The following STARD13 variants were observed in gnomAD, a reference collection of about 807,000 sequenced individuals.
The protein encoded by STARD13 is StAR related lipid transfer domain containing 13.
STARD13 carries 62 observed loss-of-function variants against 106.4 expected under a neutral mutation model. That is an observed-to-expected ratio of 0.58 (90% CI 0.48 to 0.72). The LOEUF is 0.72. STARD13 is among the 30% of genes least tolerant of loss of function. The pLI, the probability that STARD13 is intolerant of heterozygous loss-of-function variation, is 0.00. For synonymous variants in STARD13, 565 were observed against 553.0 expected (o/e 1.02, Z -0.31); for missense variants, 1,387 against 1,424.0 (o/e 0.97, Z 0.42).
intron 13 of STARD13, among the ~76,000 whole-genome samples, chr13:33,106,007 G>A (rs182844040): frequency 4.9e-4 from 74 of 152,332 alleles, no homozygotes; most frequent in Middle Eastern, 6.8e-3. Context: ...TGAAAACTCC[G>A]TTTTGTCTAC....
At chr13:33,510,801 C>A in the STARD13 span, among the ~76,000 whole-genome samples, 1 of 152,122 alleles carries the variant, frequency 6.6e-6, no homozygotes, top group African/African-American at 2.4e-5. Flanking sequence ...ACTTCTAAAT[C>A]TAGTCATATC....
the STARD13 span, among the ~76,000 whole-genome samples, chr13:33,591,934 A>G: frequency 1.1e-3 from 162 of 152,318 alleles, no homozygotes; most frequent in African/African-American, 3.8e-3. Context: ...TATATTAATT[A>G]TGTATTTTAT....
chr13:33,596,395 T>A, the STARD13 span, among the ~76,000 whole-genome samples: 2 of 152,182 alleles, frequency 1.3e-5, no homozygotes, highest in Non-Finnish European at 2.9e-5. Flanking sequence ...ATGTCATCAA[T>A]ACACACACAT....
the STARD13 span, among the ~76,000 whole-genome samples, chr13:33,389,058 C>A: frequency 6.6e-6 from 1 of 150,702 alleles, no homozygotes; most frequent in Non-Finnish European, 1.5e-5. Flanking sequence ...CAGGTTCAAG[C>A]GATTCTCCTG....
chr13:33,499,617 TTCTTCTTCTTC>T, the STARD13 span, among the ~76,000 whole-genome samples: 91 of 111,268 alleles, frequency 8.2e-4, 2 homozygotes, highest in South Asian at 2.6e-3. Context: ...CTTCTTCTTC[TTCTTCTTCTTC>T]TTCTTCTTCT....
At chr13:33,477,036 C>G in the STARD13 span, among the ~76,000 whole-genome samples, 1 of 152,184 alleles carries the variant, frequency 6.6e-6, no homozygotes, top group African/African-American at 2.4e-5. Context: ...CCGATTTTGA[C>G]AGATAAAATT....
At chr13:33,185,790 C>A in intron 1 of STARD13, 1 of 1,313,476 alleles carries the variant, frequency 7.6e-7, no homozygotes, top group Non-Finnish European at 1.1e-6. Flanking sequence ...ACCACCTGAC[C>A]ACTGCCACTG....
At chr13:33,329,914 G>C (rs192070047) in intron 1 of STARD13, among the ~76,000 whole-genome samples, 2 of 152,206 alleles carry the variant, frequency 1.3e-5, no homozygotes. Context: ...ATATTGGCCA[G>C]GCTGGTCTTG....
intron 1 of STARD13, among the ~76,000 whole-genome samples, chr13:33,312,144 A>T (rs1893159345): frequency 1.3e-5 from 2 of 152,246 alleles, no homozygotes; most frequent in South Asian, 4.1e-4. Flanking sequence ...ACATGTAATC[A>T]ACAAACATTT....
At chr13:33,318,723 A>G (rs950721659) in intron 1 of STARD13, among the ~76,000 whole-genome samples, 5 of 152,082 alleles carry the variant, frequency 3.3e-5, no homozygotes, top group Admixed American at 3.3e-4. Context: ...ATCAATGATA[A>G]AAAGACAAAA....
intron 1 of STARD13, among the ~76,000 whole-genome samples, chr13:33,212,149 C>T (rs144029354): frequency 3.1e-3 from 475 of 152,216 alleles, no homozygotes; most frequent in Middle Eastern, 6.8e-3. Context: ...CAGAAGCATG[C>T]CTTTTGGGGT....
chr13:33,460,741 A>G, the STARD13 span, among the ~76,000 whole-genome samples: 1 of 150,552 alleles, frequency 6.6e-6, no homozygotes, highest in Non-Finnish European at 1.5e-5. Flanking sequence ...CAAAAAAAAC[A>G]AAAAAAAAGG....
At chr13:33,576,956 G>A in the STARD13 span, among the ~76,000 whole-genome samples, 10 of 152,086 alleles carry the variant, frequency 6.6e-5, no homozygotes, top group South Asian at 6.2e-4. Context: ...AATGACAGCC[G>A]AATGCACTGA....
chr13:33,580,525 C>T, the STARD13 span, among the ~76,000 whole-genome samples: 3 of 151,962 alleles, frequency 2.0e-5, no homozygotes, highest in South Asian at 6.2e-4. Context: ...ACAGCGTGAA[C>T]CTTAATATGA....
chr13:33,163,712 CAT>C (rs553805990), intron 3 of STARD13, among the ~76,000 whole-genome samples: 167 of 62,454 alleles, frequency 2.7e-3, no homozygotes, highest in African/African-American at 6.7e-3. Flanking sequence ...ATATATAAAA[CAT>C]ATATATAACA....
the STARD13 span, among the ~76,000 whole-genome samples, chr13:33,515,705 C>T: frequency 2.6e-5 from 4 of 152,144 alleles, no homozygotes; most frequent in African/African-American, 9.7e-5. Flanking sequence ...AACCATTTAT[C>T]ACTTTTATGA....
At chr13:33,501,384 T>C in the STARD13 span, among the ~76,000 whole-genome samples, 1 of 152,158 alleles carries the variant, frequency 6.6e-6, no homozygotes, top group African/African-American at 2.4e-5. Flanking sequence ...AGCTCTTTAG[T>C]TTAATTGGAT....
the STARD13 span, among the ~76,000 whole-genome samples, chr13:33,553,345 A>T: frequency 4.6e-5 from 7 of 152,060 alleles, no homozygotes; most frequent in African/African-American, 1.7e-4. Context: ...TGCAGTTATT[A>T]AAGTAATTTT....
the STARD13 span, among the ~76,000 whole-genome samples, chr13:33,536,060 G>C: frequency 6.6e-6 from 1 of 152,162 alleles, no homozygotes; most frequent in Non-Finnish European, 1.5e-5. Flanking sequence ...AGCTACTCTA[G>C]ATGTGACATT....
Sources: gnomAD v4.1 joint callset for allele counts (sites outside exome capture counted in the v4.1 genomes callset) on GRCh38, gnomAD v4.1.1 for gene constraint, MANE v1.5 for transcripts, NCBI Gene and HGNC (gene_info 2026-07-23, HGNC 2026-07-21) for gene names.